The following CRACR2A variants were observed in gnomAD, a reference collection of about 807,000 sequenced individuals.
CRACR2A encodes calcium release activated channel regulator 2A.
In CRACR2A, 79 loss-of-function variants were observed where a neutral mutation model predicts 90.5. The observed-to-expected ratio is 0.87, with a 90% CI of 0.73 to 1.05. The LOEUF is 1.05. CRACR2A is among the 50% of genes least tolerant of loss of function. The pLI, the probability that CRACR2A is intolerant of heterozygous loss-of-function variation, is 0.00. For synonymous variants in CRACR2A, 338 were observed against 356.7 expected (o/e 0.95, Z 0.59); for missense variants, 823 against 897.2 (o/e 0.92, Z 1.06).
chr12:3,633,514 G>A lies in CRACR2A; in HGVS notation c.1735+90C>T. 1 of 1,510,294 alleles carries A rather than the reference G, an allele frequency of 6.6e-7. No individual in the cohort carries two copies. The highest frequency in any genetic ancestry group is 8.9e-7 in the Non-Finnish European group (1 of 1,118,210). 93.6% of individuals were successfully genotyped at this position (1,510,294 alleles called of 1,614,324 possible). A position where few individuals can be genotyped will look rare whatever the true frequency, so the allele number is the denominator to read the frequency against. ...GCCAATCCCCATGGCCCTTCCCATG[G>A]GCTTCTAACGCTCCCTGCCCCGGGC... On this transcript the variant is annotated intron_variant, in intron 15 of 19. Coordinates refer to ENST00000440314, the MANE Select transcript of CRACR2A (RefSeq NM_001144958.2). The surrounding 1 kb of genome is among the most constrained non-coding windows in gnomAD (Gnocchi z 4.5).
At position 3,748,076 on chromosome 12, in the gene CRACR2A, AC is replaced by A. The variant is rs1403762067; in HGVS notation, c.-387+4938del. ...CAGAGTTCCACAGGCTCAGGGGTAC[AC>A]TACGAGCACAGGACTGGGTGTTAAG... On this transcript the variant is annotated intron_variant, in intron 1 of 19. Transcript: ENST00000440314. 3.9e-5 allele frequency among the ~76,000 whole-genome samples: 6 copies of A among 152,288 alleles called. No homozygotes were observed. In the South Asian group the frequency reaches 1.0e-3, roughly 26 times the overall value.
chr12:3,677,865 G>T (rs1433544596), intron 6 of CRACR2A, among the ~76,000 whole-genome samples: 1 of 152,166 alleles, frequency 6.6e-6, no homozygotes, highest in Non-Finnish European at 1.5e-5. Flanking sequence ...TTTCTTGCCT[G>T]GAACACACTT....
chr12:3,648,520 A>C (rs750458814), intron 11 of CRACR2A, 22 bp downstream of exon 11: 12 of 1,614,024 alleles, frequency 7.4e-6, no homozygotes, highest in Non-Finnish European at 9.3e-6. Flanking sequence ...CTCTCAGCAC[A>C]GGCCAGTGCC....
intron 1 of CRACR2A, among the ~76,000 whole-genome samples, chr12:3,739,975 A>G (rs1946500879): frequency 6.6e-6 from 1 of 151,792 alleles, no homozygotes; most frequent in African/African-American, 2.4e-5. Flanking sequence ...AGCCCCAGGG[A>G]TATACCCCAG....
intron 7 of CRACR2A, among the ~76,000 whole-genome samples, chr12:3,665,665 G>A (rs1945121060): frequency 6.6e-6 from 1 of 152,126 alleles, no homozygotes; most frequent in African/African-American, 2.4e-5. Context: ...AGTAGAAACT[G>A]GGGGGTGGAG....
intron 17 of CRACR2A, among the ~76,000 whole-genome samples, chr12:3,623,757 C>T (rs899895628): frequency 6.6e-6 from 1 of 152,146 alleles, no homozygotes; most frequent in African/African-American, 2.4e-5. Context: ...CTGCAGAAGG[C>T]CTGCAGGCAA....
intron 7 of CRACR2A, among the ~76,000 whole-genome samples, chr12:3,666,917 G>A (rs577465533): frequency 7.5e-4 from 115 of 152,358 alleles, no homozygotes; most frequent in African/African-American, 2.3e-3. Context: ...AAATGAAAGC[G>A]TAGGCTTGGC....
chr12:3,716,000 GAGA>G (rs1164039841), intron 2 of CRACR2A, among the ~76,000 whole-genome samples: 1 of 151,652 alleles, frequency 6.6e-6, no homozygotes, highest in East Asian at 1.9e-4. Context: ...CTTGTCTGAA[GAGA>G]AGAAGGAGCG....
At chr12:3,630,141 G>A (rs1028646577) in intron 15 of CRACR2A, among the ~76,000 whole-genome samples, 1 of 152,112 alleles carries the variant, frequency 6.6e-6, no homozygotes. Flanking sequence ...GGGATGAAGG[G>A]GCTAAGTTGG....
chr12:3,667,547 G>C (rs1303596081), intron 7 of CRACR2A, among the ~76,000 whole-genome samples: 1 of 152,010 alleles, frequency 6.6e-6, no homozygotes, highest in Non-Finnish European at 1.5e-5. Context: ...ACAGAATGAA[G>C]ACCCTCAACT....
At chr12:3,688,779 G>C (rs1945607204) in intron 4 of CRACR2A, among the ~76,000 whole-genome samples, 1 of 152,218 alleles carries the variant, frequency 6.6e-6, no homozygotes, top group African/African-American at 2.4e-5. Flanking sequence ...GCTTTAGGCA[G>C]TATGGCCATT....
At chr12:3,726,282 C>T (rs537150831) in intron 2 of CRACR2A, 1 of 152,208 alleles carries the variant, frequency 6.6e-6, no homozygotes, top group East Asian at 1.9e-4. Context: ...TGCTAATCTT[C>T]TTTGTATCAT....
At chr12:3,682,114 A>G (rs1945466235) in intron 4 of CRACR2A, among the ~76,000 whole-genome samples, 1 of 152,224 alleles carries the variant, frequency 6.6e-6, no homozygotes, top group Admixed American at 6.5e-5. Context: ...CATTGGAAAT[A>G]AGAAGCATCA....
intron 17 of CRACR2A, among the ~76,000 whole-genome samples, chr12:3,626,444 A>G (rs1183755547): frequency 6.6e-6 from 1 of 152,260 alleles, no homozygotes; most frequent in East Asian, 1.9e-4. Context: ...CCAGTAAATA[A>G]GCAATTTGTT....
At chr12:3,692,135 A>C (rs1332419381) in intron 4 of CRACR2A, among the ~76,000 whole-genome samples, 1 of 152,068 alleles carries the variant, frequency 6.6e-6, no homozygotes, top group African/African-American at 2.4e-5. Context: ...TCATATGCCA[A>C]ATTTTCTTTT....
chr12:3,627,824 A>G, intron 15 of CRACR2A, 118 bp from the exon 16 acceptor site: 1 of 1,068,522 alleles, frequency 9.4e-7, no homozygotes, highest in Non-Finnish European at 1.4e-6. Context: ...ACAACCCTCC[A>G]TGTGCAGCTC....
At chr12:3,640,580 T>A in intron 13 of CRACR2A, 1 of 1,286,462 alleles carries the variant, frequency 7.8e-7, no homozygotes, top group Middle Eastern at 2.2e-4. Context: ...GAGATTTGGC[T>A]CCCAAATTGT....
At chr12:3,701,869 AAAAAAATAGGCC>A (rs1945840385) in intron 3 of CRACR2A, among the ~76,000 whole-genome samples, 2 of 152,262 alleles carry the variant, frequency 1.3e-5, no homozygotes, top group African/African-American at 4.8e-5. Flanking sequence ...ATATTACAGA[AAAAAAATAGGCC>A]AATATCCCTT....
In CRACR2A at chr12:3,673,048, G is replaced by A. The variant is rs1219925904; in HGVS notation, c.671+398C>T. Among the ~76,000 whole-genome samples, 3 of 152,158 alleles carry A rather than the reference G, an allele frequency of 2.0e-5. No homozygotes were observed. The East Asian group carries it at 5.8e-4, about 29-fold the overall frequency. ...ATTTTTCTTCTGGTCACAGGCACCT[G>A]GCTAGCTCACTCCCAGTCCTGGCTC... On this transcript the variant is annotated intron_variant, in intron 7 of 19. Coordinates refer to ENST00000440314, the MANE Select transcript of CRACR2A (RefSeq NM_001144958.2).
Sources: gnomAD v4.1 joint callset for allele counts (sites outside exome capture counted in the v4.1 genomes callset) on GRCh38, gnomAD v4.1.1 for gene constraint, Gnocchi (gnomAD v3.1) non-coding constraint, MANE v1.5 for transcripts, NCBI Gene and HGNC (gene_info 2026-07-23, HGNC 2026-07-21) for gene names.